Variants in CACNA2D2 observed in about 807,000 individuals in gnomAD.
CACNA2D2 encodes voltage-dependent calcium channel subunit alpha-2/delta-2.
A neutral mutation model predicts 166.4 loss-of-function variants in CACNA2D2; 48 were observed. The observed-to-expected ratio is 0.29, with a 90% confidence interval of 0.23 to 0.37. The LOEUF (loss-of-function observed/expected upper bound fraction) is 0.37, where lower values mean the gene tolerates loss of function less well. CACNA2D2 is among the 10% of genes least tolerant of loss of function. The probability of loss-of-function intolerance (pLI) is 1.00; values close to 1 mark genes in which losing one functional copy is unlikely to be tolerated. For synonymous variants in CACNA2D2, 561 were observed against 573.7 expected, an observed-to-expected ratio of 0.98 and a Z score of 0.32; for missense variants, 1,122 against 1,433.0, an observed-to-expected ratio of 0.78 and a Z score of 3.50.
At chr3:50,501,264 TG>T (rs1222932808) in intron 1 of CACNA2D2, among the ~76,000 whole-genome samples, 1 of 152,170 alleles carries the variant, frequency 6.6e-6, no homozygotes, top group Non-Finnish European at 1.5e-5. Context: ...CAAGGATCAA[TG>T]TGCATCCTCG....
intron 1 of CACNA2D2, among the ~76,000 whole-genome samples, chr3:50,492,496 C>T (rs563752163): frequency 1.1e-4 from 17 of 152,280 alleles, no homozygotes; most frequent in South Asian, 1.0e-3. Context: ...GCTGAGAGGC[C>T]GAAGGAAGTG....
chr3:50,501,754 C>A (rs73835516), intron 1 of CACNA2D2, among the ~76,000 whole-genome samples: 17,507 of 152,044 alleles, frequency 0.12, 1,141 homozygotes, highest in Non-Finnish European at 0.14. Context: ...GAAAGAACAA[C>A]AAAAAAATAA....
In CACNA2D2 at chr3:50,379,552, G is replaced by T; in HGVS notation, c.1032C>A (p.His344Gln). The T allele has an allele frequency of 6.2e-7, 1 of 1,614,018 alleles. No individual in the cohort carries two copies. The highest frequency in any genetic ancestry group is 8.5e-7 in the Non-Finnish European group (1 of 1,180,032). The change falls in exon 11 of 38, where the codon CAC (histidine) becomes CAA (glutamine). Residue 344 changes from histidine (H) to glutamine (Q), a missense_variant. By Grantham distance (24) the His-to-Gln change is conservative. Transcript: ENST00000424201. The surrounding 1 kb of genome is among the most constrained non-coding windows in gnomAD (Gnocchi z 6.5). ...EKAQPVSCFT[H>Q]LVQANVRNKK... The stretch of plus-strand genomic sequence containing the variant: ...TGTTGCGCACATTGGCCTGCACCAG[G>T]TGTGTGAAGCATGACACAGGCTGTG...
At chr3:50,435,026 G>C (rs146473554) in intron 2 of CACNA2D2, among the ~76,000 whole-genome samples, 42 of 152,328 alleles carry the variant, frequency 2.8e-4, no homozygotes, top group Middle Eastern at 3.4e-3. Flanking sequence ...AGAATATGGG[G>C]AATGGGCACC....
chr3:50,397,006 T>TG (rs1353451510), intron 3 of CACNA2D2, among the ~76,000 whole-genome samples: 1 of 152,192 alleles, frequency 6.6e-6, no homozygotes, highest in Non-Finnish European at 1.5e-5. Context: ...TACTCCTGGC[T>TG]GGGGGGTTCC....
At position 50,479,719 on chromosome 3, in the gene CACNA2D2, C is replaced by G. The variant is rs538128996; in HGVS notation, c.207-3520G>C. 7.7e-4 allele frequency among the ~76,000 whole-genome samples: 118 copies of G among 152,312 alleles called. 1 individual carries two copies. The highest frequency in any genetic ancestry group is 2.1e-3 in the African/African-American group (89 of 41,570). Reference sequence around the variant, plus strand: ...AAAGACAACGGATGCATGGGAATGTCCCTGCCCCCACTGGGTCAAAGATAA... The same window carrying G: ...AAAGACAACGGATGCATGGGAATGTGCCTGCCCCCACTGGGTCAAAGATAA... On this transcript the variant is annotated intron_variant, in intron 1 of 37. Transcript: ENST00000424201.
rs1704243961 is a variant in CACNA2D2 at position 50,365,922 on chromosome 3, G to A, written c.2863-60C>T. ...TGCCCCTCGCCCTAGGTCACCCCCA[G>A]CTTTATCAAATGTCAGAGGTAGGGG... On this transcript the variant is annotated intron_variant, in intron 32 of 37. Transcript: ENST00000424201. The surrounding 1 kb of genome is among the most constrained non-coding windows in gnomAD (Gnocchi z 4.5). The A allele has an allele frequency of 1.9e-6, 3 of 1,611,986 alleles. No individual in the cohort carries two copies.
intron 2 of CACNA2D2, among the ~76,000 whole-genome samples, chr3:50,453,617 C>T (rs576344653): frequency 6.6e-6 from 1 of 152,198 alleles, no homozygotes; most frequent in African/African-American, 2.4e-5. Flanking sequence ...GCCCGTCCAG[C>T]GTCCTAGAAT....
At position 50,376,578 on chromosome 3, in the gene CACNA2D2, G is replaced by A. The variant is rs933900020; in HGVS notation, c.1627-390C>T. Among the ~76,000 whole-genome samples, 6 of 152,160 alleles carry A rather than the reference G, an allele frequency of 3.9e-5. No homozygotes were observed. The highest frequency in any genetic ancestry group is 2.6e-4 in the Admixed American group (4 of 15,288). On this transcript the variant is annotated intron_variant, in intron 17 of 37. Transcript: ENST00000424201. The surrounding 1 kb of genome is among the most constrained non-coding windows in gnomAD (Gnocchi z 4.3). ...ATTTGTGCCTCCTCCTTGTCCCCAC[G>A]TCAAGAGAGAGCAGCGGGACGAGTG...
chr3:50,502,677 T>C (rs1699028507), intron 1 of CACNA2D2, among the ~76,000 whole-genome samples: 1 of 152,230 alleles, frequency 6.6e-6, no homozygotes, highest in South Asian at 2.1e-4. Flanking sequence ...ACACTGCCTC[T>C]GTGGCACTGG....
rs587656332 is a variant in CACNA2D2 at position 50,375,527 on chromosome 3, C to T, written c.1907+117G>A. 3 of 1,084,308 alleles carry T rather than the reference C, an allele frequency of 2.8e-6. No individual in the cohort carries two copies. Among genetic ancestry groups the T allele is most frequent in the Admixed American group, 1.8e-5 (1 of 54,298 alleles). The allele number at this position is 1,084,308 out of a possible 1,614,324, so 67.2% of individuals were successfully genotyped here. On this transcript the variant is annotated intron_variant, in intron 21 of 37. Transcript: ENST00000424201. This position sits in a 1 kb window ranked among gnomAD's most constrained non-coding sequence, Gnocchi z 4.0. ...CATCTCAGGGTGAGTAGTGAGCAGC[C>T]CTGGCCACTGGTGCCCCACTGGGAT...
Position 50,376,039 on chromosome 3 carries a change from T to A in CACNA2D2, c.1702-5A>T. The stretch of plus-strand genomic sequence containing the variant: ...AGGCTCCCGGAAGTTGGTGGTCTGT[T>A]GGAGGCAGGGTGGGAAGTCAGAAGT... On this transcript the variant is annotated splice_polypyrimidine_tract_variant and splice_region_variant and intron_variant, in intron 18 of 37. Transcript: ENST00000424201. The surrounding 1 kb of genome is among the most constrained non-coding windows in gnomAD (Gnocchi z 4.3). 1 of 1,613,338 alleles carries A rather than the reference T, an allele frequency of 6.2e-7. No homozygotes were observed. Among genetic ancestry groups the A allele is most frequent in the Non-Finnish European group, 8.5e-7 (1 of 1,179,978 alleles).
intron 2 of CACNA2D2, among the ~76,000 whole-genome samples, chr3:50,445,900 T>C (rs939972871): frequency 1.3e-5 from 2 of 151,980 alleles, no homozygotes; most frequent in African/African-American, 4.8e-5. Flanking sequence ...TGTACCTCAG[T>C]TCCCCCTTAT....
intron 2 of CACNA2D2, among the ~76,000 whole-genome samples, chr3:50,473,080 G>A (rs1443205735): frequency 1.3e-5 from 2 of 152,174 alleles, no homozygotes; most frequent in Non-Finnish European, 2.9e-5. Context: ...GCGTGGGGGT[G>A]GGGACAATAC....
At chr3:50,475,235 G>A (rs1034895157) in intron 2 of CACNA2D2, among the ~76,000 whole-genome samples, 1 of 152,106 alleles carries the variant, frequency 6.6e-6, no homozygotes, top group East Asian at 1.9e-4. Flanking sequence ...GGGACAACAG[G>A]AACACAGTGG....
In CACNA2D2 at chr3:50,379,064, G is replaced by A; in HGVS notation, c.1260+28C>T. 1 of 1,613,362 alleles carries A rather than the reference G, an allele frequency of 6.2e-7. No individual in the cohort carries two copies. Among genetic ancestry groups the A allele is most frequent in the Non-Finnish European group, 8.5e-7 (1 of 1,179,456 alleles). ...CTCTTCTGTACTGGGCCCAGGTCAG[G>A]GTAGCCCCTGCCTCGGTTGAGCCTC... On this transcript the variant is annotated intron_variant, in intron 12 of 37. Transcript: ENST00000424201. The surrounding 1 kb of genome is among the most constrained non-coding windows in gnomAD (Gnocchi z 6.5).
At chr3:50,373,877 G>T (rs931792035) in intron 22 of CACNA2D2, among the ~76,000 whole-genome samples, 2 of 79,602 alleles carry the variant, frequency 2.5e-5, no homozygotes, top group African/African-American at 5.7e-5. Flanking sequence ...AGGGGGCAGA[G>T]AGAGAGAGAG....
Position 50,378,316 on chromosome 3 carries a change from G to A in CACNA2D2, c.1357C>T (p.Pro453Ser). 1 of 1,552,088 alleles carries A rather than the reference G, an allele frequency of 6.4e-7. No individual in the cohort carries two copies. The highest frequency in any genetic ancestry group is 1.2e-5 in the South Asian group (1 of 84,160). Residue 453 changes from proline to serine, a missense_variant, in exon 14 of 38, where the codon CCT becomes TCT. Physicochemically the swap from Pro to Ser is moderately conservative, Grantham distance 74. Coordinates refer to ENST00000424201, the MANE Select transcript of CACNA2D2 (RefSeq NM_006030.4). ...TTGATGCGGATGGCTCCGATGGAAG[G>A]GATCTCAAAATAGTAGCCTGTGAAG... ...CANKGYYFEI[P>S]SIGAIRINTQ...
At chr3:50,446,775 C>T (rs1386884283) in intron 2 of CACNA2D2, among the ~76,000 whole-genome samples, 1 of 152,240 alleles carries the variant, frequency 6.6e-6, no homozygotes, top group Non-Finnish European at 1.5e-5. Flanking sequence ...AGGGCTCATT[C>T]GCCCAACCTG....
Sources: allele counts gnomAD v4.1 joint callset (sites outside exome capture counted in the v4.1 genomes callset), GRCh38; gene constraint gnomAD v4.1.1; non-coding constraint Gnocchi (gnomAD v3.1); transcripts MANE v1.5; gene names NCBI Gene and HGNC (gene_info 2026-07-23, HGNC 2026-07-21).